SLC24A2: variants seen among roughly 807,000 people sequenced by gnomAD.
SLC24A2 encodes solute carrier family 24 member 2.
In SLC24A2, 36 loss-of-function variants were observed where a neutral mutation model predicts 62.0. The ratio of observed to expected loss-of-function variants is 0.58; its 90% CI spans 0.44 to 0.77. The LOEUF (loss-of-function observed/expected upper bound fraction) is 0.77, where lower values mean the gene tolerates loss of function less well. Among genes scored for constraint, SLC24A2 ranks in the 30% least tolerant of loss-of-function variants. The pLI is 0.00. For synonymous variants in SLC24A2, 358 were observed against 294.0 expected, an observed-to-expected ratio of 1.22 and a Z score of -2.23; for missense variants, 846 against 817.9, an observed-to-expected ratio of 1.03 and a Z score of -0.42.
the SLC24A2 span, among the ~76,000 whole-genome samples, chr9:19,943,772 T>C: frequency 2.0e-5 from 3 of 152,236 alleles, no homozygotes; most frequent in Non-Finnish European, 4.4e-5. Flanking sequence ...AAGTTAAAGC[T>C]ATTTAGCCTT....
intron 2 of SLC24A2, among the ~76,000 whole-genome samples, chr9:19,712,418 A>G (rs990895856): frequency 6.6e-6 from 1 of 152,216 alleles, no homozygotes; most frequent in Non-Finnish European, 1.5e-5. Flanking sequence ...TCAGGTAAAC[A>G]CATATGTGAA....
chr9:20,075,984 A>C, the SLC24A2 span, among the ~76,000 whole-genome samples: 1 of 152,318 alleles, frequency 6.6e-6, no homozygotes, highest in South Asian at 2.1e-4. Context: ...TAGATTACTT[A>C]TAATAGCTAA....
chr9:19,724,288 T>G (rs2118671193), intron 2 of SLC24A2, among the ~76,000 whole-genome samples: 1 of 152,304 alleles, frequency 6.6e-6, no homozygotes, highest in South Asian at 2.1e-4. Context: ...TCAATCAGAC[T>G]TAATAAGGAA....
rs1250466384 is a variant in SLC24A2, at chr9:19,584,289, AAAAAC to A, written c.1130-7272_1130-7268del. 3.8e-4 allele frequency among the ~76,000 whole-genome samples: 57 copies of A among 150,398 alleles called. No individual in the cohort carries two copies. The East Asian group carries it at 5.1e-3, about 13-fold the overall frequency. On this transcript the variant is annotated intron_variant, in intron 5 of 10. Coordinates refer to ENST00000341998, the MANE Select transcript of SLC24A2 (RefSeq NM_020344.4). ...AGCAAATAGTAAAAAAAAAAAAAAA[AAAAAC>A]AAACAAAAAACAAAACAAAACAAAC...
the SLC24A2 span, among the ~76,000 whole-genome samples, chr9:20,179,985 C>G: frequency 6.6e-6 from 1 of 152,264 alleles, no homozygotes; most frequent in African/African-American, 2.4e-5. Flanking sequence ...GTAACCAACA[C>G]AGTATATTTA....
chr9:19,638,992 T>C (rs1462018876), intron 2 of SLC24A2, among the ~76,000 whole-genome samples: 1 of 152,356 alleles, frequency 6.6e-6, no homozygotes, highest in South Asian at 2.1e-4. Context: ...TTATTTCAGT[T>C]TCACATAAAT....
At chr9:20,192,717 A>G in the SLC24A2 span, among the ~76,000 whole-genome samples, 12 of 152,178 alleles carry the variant, frequency 7.9e-5, no homozygotes, top group African/African-American at 2.9e-4. Flanking sequence ...TCATCAGACA[A>G]ACTGCATTGA....
chr9:20,206,448 T>A, the SLC24A2 span, among the ~76,000 whole-genome samples: 2 of 150,948 alleles, frequency 1.3e-5, no homozygotes, highest in Non-Finnish European at 3.0e-5. Context: ...GCAGTAATTT[T>A]CCCAAAAAAA....
At chr9:19,915,860 T>G in the SLC24A2 span, among the ~76,000 whole-genome samples, 1 of 152,028 alleles carries the variant, frequency 6.6e-6, no homozygotes, top group Non-Finnish European at 1.5e-5. Flanking sequence ...CAAATTTTCT[T>G]ATATTCTCTG....
chr9:20,162,873 C>G, the SLC24A2 span, among the ~76,000 whole-genome samples: 2 of 151,990 alleles, frequency 1.3e-5, no homozygotes, highest in African/African-American at 4.8e-5. Flanking sequence ...GCACCAAAGA[C>G]AAAAACCACA....
chr9:19,753,888 T>C (rs1249587718), intron 2 of SLC24A2, among the ~76,000 whole-genome samples: 1 of 152,166 alleles, frequency 6.6e-6, no homozygotes, highest in Non-Finnish European at 1.5e-5. Context: ...AAGCACTTTC[T>C]GGCTCCAAAA....
At chr9:19,634,053 A>C (rs1011910692) in intron 2 of SLC24A2, among the ~76,000 whole-genome samples, 2 of 151,906 alleles carry the variant, frequency 1.3e-5, no homozygotes, top group African/African-American at 4.8e-5. Flanking sequence ...TTTTTTTCCT[A>C]GATGTTTTAT....
At chr9:19,915,324 C>G in the SLC24A2 span, among the ~76,000 whole-genome samples, 12 of 152,048 alleles carry the variant, frequency 7.9e-5, 1 homozygote, top group Admixed American at 7.2e-4. Flanking sequence ...TTTGTTTATC[C>G]ATTCATCAAT....
In SLC24A2 at chr9:19,632,245, G is replaced by A. The variant is rs1341275548; in HGVS notation, c.931-9946C>T. 6.6e-6 allele frequency among the ~76,000 whole-genome samples: 1 copy of A among 152,130 alleles called. No homozygotes were observed. The highest frequency in any genetic ancestry group is 1.5e-5 in the Non-Finnish European group (1 of 68,014). ...ATCCTTTGCTGTCATAGGGAGTCCA[G>A]GCAAATTGTCATTTTATCTATGCCT... On this transcript the variant is annotated intron_variant, in intron 2 of 10. Transcript: ENST00000341998. This position sits in a 1 kb window ranked among gnomAD's most constrained non-coding sequence, Gnocchi z 4.5.
At chr9:19,739,042 A>C (rs1264805763) in intron 2 of SLC24A2, among the ~76,000 whole-genome samples, 1 of 152,174 alleles carries the variant, frequency 6.6e-6, no homozygotes, top group Non-Finnish European at 1.5e-5. Context: ...ACTTGAACCA[A>C]GAAGGTGGAG....
chr9:19,677,809 A>G (rs1017427972), intron 2 of SLC24A2, among the ~76,000 whole-genome samples: 12 of 149,692 alleles, frequency 8.0e-5, no homozygotes, highest in African/African-American at 2.7e-4. Flanking sequence ...ATTTGTATAT[A>G]GTATAAATAT....
intron 2 of SLC24A2, among the ~76,000 whole-genome samples, chr9:19,636,324 T>TTTTCCTTTCTTTCTTTCC (rs1564009773): frequency 2.0e-4 from 3 of 15,024 alleles, no homozygotes; most frequent in Admixed American, 1.9e-3. Flanking sequence ...CTTTTCTTTC[T>TTTTCCTTTCTTTCTTTCC]TTCTTTCTTT....
At chr9:20,247,329 G>A in the SLC24A2 span, among the ~76,000 whole-genome samples, 2 of 152,186 alleles carry the variant, frequency 1.3e-5, no homozygotes, top group Non-Finnish European at 2.9e-5. Context: ...AAGCACATAC[G>A]GTCCAGCCTT....
At chr9:19,768,944 C>T (rs1417391788) in intron 2 of SLC24A2, among the ~76,000 whole-genome samples, 2 of 152,142 alleles carry the variant, frequency 1.3e-5, no homozygotes, top group Non-Finnish European at 2.9e-5. Context: ...TTCCCTGCTA[C>T]ATTCATTCCT....
Sources: gnomAD v4.1 joint callset for allele counts (sites outside exome capture counted in the v4.1 genomes callset) on GRCh38, gnomAD v4.1.1 for gene constraint, Gnocchi (gnomAD v3.1) non-coding constraint, MANE v1.5 for transcripts, NCBI Gene and HGNC (gene_info 2026-07-23, HGNC 2026-07-21) for gene names.